KDM4C: variants seen among roughly 807,000 people sequenced by gnomAD.
KDM4C encodes the protein lysine-specific demethylase 4C.
Under a neutral mutation model 129.3 loss-of-function variants are expected in KDM4C, and 81 were observed. The ratio of observed to expected loss-of-function variants is 0.63; its 90% confidence interval spans 0.52 to 0.75. The LOEUF (loss-of-function observed/expected upper bound fraction) is 0.75. Among genes scored for constraint, KDM4C ranks in the 30% least tolerant of loss-of-function variants. The probability of loss-of-function intolerance (pLI) is 0.00; values close to 1 mark genes in which losing one functional copy is unlikely to be tolerated. For missense variants in KDM4C, 1,457 were observed against 1,304.0 expected (o/e 1.12, Z -1.81); for synonymous variants, 573 against 456.1 (o/e 1.26, Z -3.26).
chr9:6,973,035 A>G (rs1057126046), intron 8 of KDM4C, among the ~76,000 whole-genome samples: 1 of 152,254 alleles, frequency 6.6e-6, no homozygotes, highest in African/African-American at 2.4e-5. Flanking sequence ...TTGAGAGGGA[A>G]GGCAGGGATT....
intron 8 of KDM4C, among the ~76,000 whole-genome samples, chr9:6,961,586 T>C (rs1400498490): frequency 6.6e-6 from 1 of 152,216 alleles, no homozygotes; most frequent in Non-Finnish European, 1.5e-5. Flanking sequence ...GTATAAATTG[T>C]CTTTTTAAAT....
At chr9:6,750,344 C>T (rs1244763651) in intron 1 of KDM4C, among the ~76,000 whole-genome samples, 3 of 151,276 alleles carry the variant, frequency 2.0e-5, no homozygotes, top group African/African-American at 7.3e-5. Context: ...GGGGCTACGG[C>T]AGGAGAATCG....
chr9:7,103,591 T>TTTTTTC, intron 17 of KDM4C, 94 bp from the exon 18 acceptor site: 1 of 936,458 alleles, frequency 1.1e-6, no homozygotes, highest in Non-Finnish European at 1.6e-6. Context: ...TTTTTTTTTT[T>TTTTTTC]TTTTCTTCTC....
intron 1 of KDM4C, among the ~76,000 whole-genome samples, chr9:6,740,405 G>T (rs180690707): frequency 4.6e-4 from 69 of 151,642 alleles, no homozygotes; most frequent in African/African-American, 1.5e-3. Flanking sequence ...GGGTTTCACC[G>T]TGTTAGCCAG....
chr9:6,852,147 T>C (rs1328891083), intron 5 of KDM4C, among the ~76,000 whole-genome samples: 2 of 152,196 alleles, frequency 1.3e-5, no homozygotes, highest in East Asian at 1.9e-4. Context: ...GTATGAAATA[T>C]TACATTTCCT....
intron 8 of KDM4C, among the ~76,000 whole-genome samples, chr9:6,945,174 A>G (rs956232279): frequency 2.0e-5 from 3 of 152,144 alleles, no homozygotes; most frequent in Non-Finnish European, 4.4e-5. Context: ...ACATGCTCAT[A>G]AAAATGCTTA....
At chr9:7,091,333 G>C (rs375151104) in intron 17 of KDM4C, among the ~76,000 whole-genome samples, 1 of 148,070 alleles carries the variant, frequency 6.8e-6, no homozygotes, top group Non-Finnish European at 1.5e-5. Context: ...AAAAAAAAAA[G>C]ATTTCGGCAA....
intron 19 of KDM4C, among the ~76,000 whole-genome samples, chr9:7,154,177 C>T (rs57144462): frequency 0.015 from 2,238 of 152,270 alleles, 65 homozygotes; most frequent in African/African-American, 0.051. Flanking sequence ...GCTGGGCAGC[C>T]GAACAGATGA....
chr9:7,151,970 G>T (rs1182939873), intron 19 of KDM4C, among the ~76,000 whole-genome samples: 1 of 152,222 alleles, frequency 6.6e-6, no homozygotes, highest in East Asian at 1.9e-4. Flanking sequence ...AGTTTAGGCT[G>T]CGAGATAACC....
chr9:7,046,430 C>G (rs866051781), intron 15 of KDM4C, among the ~76,000 whole-genome samples: 6 of 151,912 alleles, frequency 3.9e-5, no homozygotes, highest in African/African-American at 1.4e-4. Flanking sequence ...AAAAGCCTGC[C>G]CAGACTCCAT....
intron 8 of KDM4C, among the ~76,000 whole-genome samples, chr9:6,897,997 G>A (rs984235622): frequency 6.6e-6 from 1 of 152,120 alleles, no homozygotes; most frequent in East Asian, 1.9e-4. Flanking sequence ...AGCTGCTGCC[G>A]TGACACTCAC....
chr9:7,014,066 C>A, intron 14 of KDM4C, 65 bp downstream of exon 14: 2 of 1,369,804 alleles, frequency 1.5e-6, no homozygotes, highest in Non-Finnish European at 2.0e-6. Context: ...TTATTTCTCA[C>A]TTTTTTGGAA....
At chr9:6,956,279 A>G (rs1385558192) in intron 8 of KDM4C, among the ~76,000 whole-genome samples, 1 of 152,208 alleles carries the variant, frequency 6.6e-6, no homozygotes, top group African/African-American at 2.4e-5. Context: ...TCAAAGGATA[A>G]ATGCTTGAGG....
intron 5 of KDM4C, among the ~76,000 whole-genome samples, chr9:6,852,834 C>G (rs1030987306): frequency 6.6e-6 from 1 of 152,160 alleles, no homozygotes; most frequent in Non-Finnish European, 1.5e-5. Flanking sequence ...TCTCATCTGT[C>G]CATGTTTCAC....
intron 15 of KDM4C, 131 bp downstream of exon 15, chr9:7,016,060 A>T: frequency 5.8e-6 from 3 of 518,732 alleles, no homozygotes; most frequent in Non-Finnish European, 1.0e-5. Context: ...TTGTGTTTCT[A>T]GTCTTCCCTC....
intron 15 of KDM4C, among the ~76,000 whole-genome samples, chr9:7,035,382 A>G (rs1040345322): frequency 7.1e-6 from 1 of 140,044 alleles, no homozygotes; most frequent in Admixed American, 7.5e-5. Context: ...TGTATTCCAG[A>G]TAGTAATCCT....
intron 1 of KDM4C, among the ~76,000 whole-genome samples, chr9:6,743,865 G>A (rs1460437524): frequency 6.6e-6 from 1 of 151,910 alleles, no homozygotes; most frequent in African/African-American, 2.4e-5. Context: ...GACTTGTTGG[G>A]GTGGGGGACA....
chr9:6,850,509 G>A (rs766968695), intron 5 of KDM4C, among the ~76,000 whole-genome samples: 3 of 152,044 alleles, frequency 2.0e-5, no homozygotes, highest in South Asian at 2.1e-4. Flanking sequence ...GCAGTGGCGC[G>A]ATCTTGGCTC....
rs901142942 is a variant in KDM4C, at chr9:6,849,573, A to G, written c.502A>G (p.Ile168Val). 2.5e-6 allele frequency: 4 copies of G among 1,613,718 alleles called. No individual in the cohort carries two copies. The highest frequency in any genetic ancestry group is 2.7e-5 in the African/African-American group (2 of 74,876). The change falls in exon 5 of 22, where the codon ATT becomes GTT. Residue 168 changes from isoleucine to valine, a missense_variant. Ile to Val is a conservative substitution (Grantham distance 29). Coordinates refer to ENST00000381309, the MANE Select transcript of KDM4C (RefSeq NM_015061.6). ...VLDVVEEECG[I>V]SIEGVNTPYL... ...GGATGTGGTTGAAGAAGAGTGTGGC[A>G]TTTCTATTGAGGGTGTAAATACCCC... is the stretch of plus-strand genomic sequence containing the variant.
Sources: allele counts gnomAD v4.1 joint callset (sites outside exome capture counted in the v4.1 genomes callset), GRCh38; gene constraint gnomAD v4.1.1; transcripts MANE v1.5; gene names NCBI Gene and HGNC (gene_info 2026-07-23, HGNC 2026-07-21).